ST3GAL1: variants seen among roughly 807,000 people sequenced by gnomAD.
The protein encoded by ST3GAL1 is ST3 beta-galactoside alpha-2,3-sialyltransferase 1.
In ST3GAL1, 16 loss-of-function variants were observed where a neutral mutation model predicts 34.1. The observed-to-expected ratio is 0.47, with a 90% CI of 0.32 to 0.71. ST3GAL1 has a LOEUF of 0.71. Among genes scored for constraint, ST3GAL1 ranks in the 30% least tolerant of loss-of-function variants. The probability of loss-of-function intolerance (pLI) is 0.04; values close to 1 mark genes in which losing one functional copy is unlikely to be tolerated. For missense variants in ST3GAL1, 353 were observed against 447.4 expected, an observed-to-expected ratio of 0.79 and a Z score of 1.90; for synonymous variants, 191 against 184.7, an observed-to-expected ratio of 1.03 and a Z score of -0.28.
intron 2 of ST3GAL1, among the ~76,000 whole-genome samples, chr8:133,540,746 CATATAT>C (rs57077992): frequency 2.4e-4 from 12 of 49,262 alleles, no homozygotes; most frequent in East Asian, 2.0e-3. Flanking sequence ...TATATATAGA[CATATAT>C]ATATATATAG....
Position 133,482,436 on chromosome 8 carries a change from C to T in ST3GAL1, c.-373-5836G>A, listed in dbSNP as rs550937552. Among the ~76,000 whole-genome samples the T allele has an allele frequency of 2.0e-5, 3 of 152,326 alleles. No homozygotes were observed. The East Asian group carries it at 5.8e-4, about 29-fold the overall frequency. On this transcript the variant is annotated intron_variant, in intron 3 of 9. Transcript: ENST00000522652. ...AGGCCCCAGAGGTGCCGAGGCAAAC[C>T]TCCTCACACCAGCCAAGTGCACAGA...
At chr8:133,525,926 T>C (rs1309601270) in intron 2 of ST3GAL1, among the ~76,000 whole-genome samples, 1 of 152,180 alleles carries the variant, frequency 6.6e-6, no homozygotes. Flanking sequence ...TCCAGAGCTG[T>C]GGCTAGGTAG....
At position 133,565,151 on chromosome 8, in the gene ST3GAL1, CTGTGTGTGTG is replaced by C. The variant is rs60990775; in HGVS notation, c.-582+6532_-582+6541del. Reference sequence around the variant, plus strand: ...CAAATGAGATAACAGCTCTGTGTGCCTGTGTGTGTGTGTGTGTGTGTGTGTGTGTGTGTGT... The same window carrying C: ...CAAATGAGATAACAGCTCTGTGTGCCTGTGTGTGTGTGTGTGTGTGTGTGT... On this transcript the variant is annotated intron_variant, in intron 1 of 9. Transcript: ENST00000522652. Among the ~76,000 whole-genome samples the C allele has an allele frequency of 3.0e-3, 415 of 139,406 alleles. 2 individuals are homozygous for C. The highest frequency in any genetic ancestry group is 0.01 in the African/African-American group (375 of 36,922). 91.5% of individuals were successfully genotyped at this position (139,406 alleles called of 152,430 possible).
chr8:133,538,509 C>G (rs1336251184), intron 2 of ST3GAL1, among the ~76,000 whole-genome samples: 1 of 152,038 alleles, frequency 6.6e-6, no homozygotes. Context: ...AGCGAGACTC[C>G]ATCTCAAAAA....
chr8:133,547,059 A>G (rs1563737119), intron 1 of ST3GAL1, among the ~76,000 whole-genome samples: 1 of 150,808 alleles, frequency 6.6e-6, no homozygotes, highest in African/African-American at 2.4e-5. Context: ...GAAACCCTCA[A>G]CTCTTAACCA....
At chr8:133,493,665 C>T (rs893243410) in intron 3 of ST3GAL1, among the ~76,000 whole-genome samples, 4 of 152,070 alleles carry the variant, frequency 2.6e-5, no homozygotes, top group Non-Finnish European at 2.9e-5. Context: ...GCCAATATGG[C>T]GAAATCCTGT....
chr8:133,540,828 TATATATAGAGAGACATATATATAGAGAC>T (rs1818459171), intron 2 of ST3GAL1, among the ~76,000 whole-genome samples: 15 of 84,308 alleles, frequency 1.8e-4, no homozygotes, highest in Non-Finnish European at 2.4e-4. Flanking sequence ...TATATAGACA[TATATATAGAGAGACATATATATAGAGAC>T]ATATATATAG....
At chr8:133,504,483 C>A (rs1320396611) in intron 2 of ST3GAL1, among the ~76,000 whole-genome samples, 1 of 152,214 alleles carries the variant, frequency 6.6e-6, no homozygotes, top group Non-Finnish European at 1.5e-5. Flanking sequence ...CTGCCTGGGG[C>A]CTGGAACTGA....
At chr8:133,477,333 G>C (rs1280782796) in intron 3 of ST3GAL1, among the ~76,000 whole-genome samples, 1 of 152,172 alleles carries the variant, frequency 6.6e-6, no homozygotes, top group East Asian at 1.9e-4. Context: ...GATCCACTAA[G>C]AGCTGAGAGG....
At chr8:133,473,426 G>A (rs1403939969) in intron 5 of ST3GAL1, among the ~76,000 whole-genome samples, 1 of 152,080 alleles carries the variant, frequency 6.6e-6, no homozygotes, top group Admixed American at 6.5e-5. Context: ...TTCCTGTTTG[G>A]TTTATATAAA....
At chr8:133,512,341 G>A (rs576287962) in intron 2 of ST3GAL1, among the ~76,000 whole-genome samples, 52 of 152,270 alleles carry the variant, frequency 3.4e-4, no homozygotes, top group African/African-American at 9.4e-4. Context: ...GATGGAGGCC[G>A]GAAGACTCAG....
At chr8:133,514,323 A>G (rs560565942) in intron 2 of ST3GAL1, among the ~76,000 whole-genome samples, 1 of 152,258 alleles carries the variant, frequency 6.6e-6, no homozygotes, top group East Asian at 1.9e-4. Flanking sequence ...ATTGGGTACT[A>G]TTCATTTTGG....
chr8:133,485,660 G>T (rs550673213), intron 3 of ST3GAL1, among the ~76,000 whole-genome samples: 2 of 152,170 alleles, frequency 1.3e-5, no homozygotes, highest in Non-Finnish European at 2.9e-5. Flanking sequence ...CCCAAGACCC[G>T]CTTGACTCCT....
Position 133,570,948 on chromosome 8 carries a change from A to G in ST3GAL1, c.-582+745T>C, listed in dbSNP as rs1819550333. 1.3e-5 allele frequency among the ~76,000 whole-genome samples: 2 copies of G among 152,246 alleles called. No homozygotes were observed. Among genetic ancestry groups the G allele is most frequent in the South Asian group, 4.1e-4 (2 of 4,822 alleles). ...GGGTTGGGGCGGATTCAGAGTTTCG[A>G]GTTGCCACTAACACGACTCCGGCCG... On this transcript the variant is annotated intron_variant, in intron 1 of 9. Transcript: ENST00000522652. This position sits in a 1 kb window ranked among gnomAD's most constrained non-coding sequence, Gnocchi z 5.6.
chr8:133,539,739 A>T lies in ST3GAL1; in HGVS notation c.-429+6035T>A, dbSNP rs1818412767. 2 of 152,094 alleles carry T rather than the reference A, an allele frequency of 1.3e-5. 1 individual carries two copies. Among genetic ancestry groups the T allele is most frequent in the Admixed American group, 1.3e-4 (2 of 15,260 alleles). The allele number at this position is 152,094 out of a possible 1,614,324, so 9.4% of individuals were successfully genotyped here. A position where few individuals can be genotyped will look rare whatever the true frequency, so the allele number is the denominator to read the frequency against. ...CAGCAAAACACCATCTCTATAAAAA[A>T]TATAAAAATTAGCCAGGCATGGTGG... On this transcript the variant is annotated intron_variant, in intron 2 of 9. Coordinates refer to ENST00000522652, the MANE Select transcript of ST3GAL1 (RefSeq NM_173344.3).
intron 3 of ST3GAL1, among the ~76,000 whole-genome samples, chr8:133,478,254 T>C (rs1816252889): frequency 1.3e-5 from 2 of 152,246 alleles, no homozygotes; most frequent in Admixed American, 1.3e-4. Context: ...TTCACTTGAC[T>C]GGCAGAGGGT....
chr8:133,491,578 T>C (rs1340845586), intron 3 of ST3GAL1, among the ~76,000 whole-genome samples: 1 of 152,182 alleles, frequency 6.6e-6, no homozygotes, highest in Admixed American at 6.5e-5. Context: ...AGTCCGTGAC[T>C]TCACGGAAAT....
chr8:133,459,971 G>A lies in ST3GAL1; in HGVS notation c.850-34C>T. The A allele has an allele frequency of 6.3e-7, 1 of 1,576,842 alleles. No individual in the cohort carries two copies. The highest frequency in any genetic ancestry group is 8.6e-7 in the Non-Finnish European group (1 of 1,157,210). The stretch of plus-strand genomic sequence containing the variant: ...GCAAAGCAAAGATGAGAACCAGACA[G>A]CAGGGCTGCTGGTGGCACCTCTGAG... On this transcript the variant is annotated intron_variant, in intron 9 of 9. Coordinates refer to ENST00000522652, the MANE Select transcript of ST3GAL1 (RefSeq NM_173344.3). This position sits in a 1 kb window ranked among gnomAD's most constrained non-coding sequence, Gnocchi z 4.7.
intron 2 of ST3GAL1, among the ~76,000 whole-genome samples, chr8:133,519,792 A>AG (rs397792959): frequency 1.3e-5 from 2 of 151,374 alleles, no homozygotes; most frequent in Non-Finnish European, 2.9e-5. Flanking sequence ...CTAAAAAAAA[A>AG]TACAAACATT....
Sources: allele counts gnomAD v4.1 joint callset (sites outside exome capture counted in the v4.1 genomes callset), GRCh38; gene constraint gnomAD v4.1.1; non-coding constraint Gnocchi (gnomAD v3.1); transcripts MANE v1.5; gene names NCBI Gene and HGNC (gene_info 2026-07-23, HGNC 2026-07-21).